Variants in EPB41L2 observed in about 807,000 individuals in gnomAD.
EPB41L2 encodes band 4.1-like protein 2.
In EPB41L2, 43 loss-of-function variants were observed where a neutral mutation model predicts 113.0. That is an observed-to-expected ratio of 0.38 (90% CI 0.30 to 0.49). The LOEUF (loss-of-function observed/expected upper bound fraction) is 0.49. Among genes scored for constraint, EPB41L2 ranks in the 20% least tolerant of loss-of-function variants. The pLI is 0.95. For missense variants in EPB41L2, 1,147 were observed against 1,223.4 expected (o/e 0.94, Z 0.93); for synonymous variants, 442 against 436.7 (o/e 1.01, Z -0.15).
At chr6:130,864,956 C>A (rs1310167300) in intron 17 of EPB41L2, among the ~76,000 whole-genome samples, 5 of 152,146 alleles carry the variant, frequency 3.3e-5, no homozygotes, top group Non-Finnish European at 7.3e-5. Context: ...CTTCTTAAGA[C>A]AATTCTAAGG....
chr6:130,975,992 C>T (rs1333461277), intron 1 of EPB41L2, among the ~76,000 whole-genome samples: 6 of 152,180 alleles, frequency 3.9e-5, no homozygotes, highest in African/African-American at 1.2e-4. Flanking sequence ...TGCACCATTG[C>T]ACTCCAGCCT....
At chr6:130,982,321 A>G (rs1317334659) in intron 1 of EPB41L2, among the ~76,000 whole-genome samples, 1 of 152,136 alleles carries the variant, frequency 6.6e-6, no homozygotes, top group African/African-American at 2.4e-5. Context: ...TCCAACAACA[A>G]CTACAAAAAA....
chr6:130,898,693 C>T (rs376453953), intron 8 of EPB41L2, among the ~76,000 whole-genome samples: 2 of 151,998 alleles, frequency 1.3e-5, no homozygotes, highest in East Asian at 1.9e-4. Flanking sequence ...GTATACCGAA[C>T]GTTTATGCTT....
At chr6:131,016,111 G>A (rs1215682297) in intron 1 of EPB41L2, among the ~76,000 whole-genome samples, 1 of 151,958 alleles carries the variant, frequency 6.6e-6, no homozygotes, top group Non-Finnish European at 1.5e-5. Flanking sequence ...CCAGTAGCTT[G>A]TGGCTAAAGA....
intron 1 of EPB41L2, among the ~76,000 whole-genome samples, chr6:131,057,065 A>G (rs1481461332): frequency 1.3e-5 from 2 of 152,210 alleles, no homozygotes. Context: ...GGGTGAAAAA[A>G]TTAAAAAAAA....
intron 12 of EPB41L2, chr6:130,882,592 CT>C (rs1419022766): frequency 6.6e-6 from 1 of 152,624 alleles, no homozygotes; most frequent in Admixed American, 6.5e-5. Context: ...CGGCTTTAGC[CT>C]CCAGATAGCA....
intron 1 of EPB41L2, among the ~76,000 whole-genome samples, chr6:130,998,298 A>T (rs556740409): frequency 1.3e-4 from 20 of 152,344 alleles, no homozygotes; most frequent in African/African-American, 4.6e-4. Context: ...ATTAAGGACA[A>T]ATTCTTTTCA....
rs1562574983 is a variant in EPB41L2, at chr6:130,954,036, CTTTCTTT to C, written c.705+1062_705+1068del. Among the ~76,000 whole-genome samples the C allele has an allele frequency of 4.7e-3, 215 of 45,502 alleles. 8 individuals are homozygous for C. The South Asian group carries it at 0.075, about 16-fold the overall frequency. 29.9% of individuals were successfully genotyped at this position (45,502 alleles called of 152,430 possible). The stretch of plus-strand genomic sequence containing the variant: ...TTAATCCTCTTTTGCTAGTCCTTTT[CTTTCTTT>C]TTTTTTTTTTTTTTTTTTTTTTTTT... On this transcript the variant is annotated intron_variant, in intron 3 of 19. Coordinates refer to ENST00000337057, the MANE Select transcript of EPB41L2 (RefSeq NM_001431.4).
intron 1 of EPB41L2, among the ~76,000 whole-genome samples, chr6:131,036,638 T>G (rs1793369214): frequency 6.6e-6 from 1 of 152,166 alleles, no homozygotes; most frequent in Non-Finnish European, 1.5e-5. Context: ...TCTCTAGGTC[T>G]CAATTCCTTC....
intron 1 of EPB41L2, among the ~76,000 whole-genome samples, chr6:131,005,110 G>C (rs941371865): frequency 2.7e-5 from 4 of 150,910 alleles, no homozygotes; most frequent in Non-Finnish European, 5.9e-5. Context: ...CAAGACAACA[G>C]AAAAAGGAAG....
chr6:131,060,110 A>G (rs1798367058), intron 1 of EPB41L2, among the ~76,000 whole-genome samples: 1 of 152,210 alleles, frequency 6.6e-6, no homozygotes, highest in African/African-American at 2.4e-5. Flanking sequence ...AAGAAAGAAA[A>G]AGGCCCATGT....
At chr6:130,990,582 G>C (rs1192118996) in intron 1 of EPB41L2, among the ~76,000 whole-genome samples, 1 of 152,116 alleles carries the variant, frequency 6.6e-6, no homozygotes, top group African/African-American at 2.4e-5. Flanking sequence ...ATAAAAATAT[G>C]GGAAAAGAGA....
chr6:130,930,523 G>C lies in EPB41L2; in HGVS notation c.706-3814C>G, dbSNP rs2128560480. 1.3e-5 allele frequency among the ~76,000 whole-genome samples: 2 copies of C among 152,266 alleles called. 1 individual carries two copies. Among genetic ancestry groups the C allele is most frequent in the Middle Eastern group, 6.8e-3 (2 of 292 alleles). On this transcript the variant is annotated intron_variant, in intron 3 of 19. Transcript: ENST00000337057. ...AATATTTCTGGTCCCAAGCATTTCA[G>C]ATAAAAGATACTCAACCTGTACCAC...
intron 1 of EPB41L2, among the ~76,000 whole-genome samples, chr6:131,023,756 GATATATAGATAT>G (rs1790150116): frequency 4.5e-5 from 2 of 44,722 alleles, no homozygotes; most frequent in African/African-American, 1.2e-4. Flanking sequence ...TCTATATATA[GATATATAGATAT>G]ATAGATATAT....
At chr6:130,973,433 CT>C (rs962097065) in intron 1 of EPB41L2, among the ~76,000 whole-genome samples, 1 of 152,084 alleles carries the variant, frequency 6.6e-6, no homozygotes, top group Non-Finnish European at 1.5e-5. Context: ...TTCTTCCCAC[CT>C]TTTTATGTTA....
At chr6:130,880,062 G>A (rs919596329) in intron 13 of EPB41L2, 82 bp downstream of exon 13, 2 of 1,023,198 alleles carry the variant, frequency 2.0e-6, no homozygotes, top group Non-Finnish European at 3.0e-6. Flanking sequence ...GAAGAACATT[G>A]CCAGCCAGCC....
chr6:130,920,639 G>A (rs1802579145), intron 4 of EPB41L2, among the ~76,000 whole-genome samples: 1 of 152,016 alleles, frequency 6.6e-6, no homozygotes, highest in African/African-American at 2.4e-5. Context: ...CCTCCGAATA[G>A]CTGGAACTAA....
At chr6:131,046,891 A>G (rs1400300006) in intron 1 of EPB41L2, among the ~76,000 whole-genome samples, 2 of 152,188 alleles carry the variant, frequency 1.3e-5, no homozygotes, top group Non-Finnish European at 2.9e-5. Flanking sequence ...ATAGTGTAGT[A>G]TTGGCTCTGA....
chr6:130,949,514 G>C (rs1814081127), intron 3 of EPB41L2, among the ~76,000 whole-genome samples: 1 of 151,968 alleles, frequency 6.6e-6, no homozygotes, highest in Admixed American at 6.6e-5. Flanking sequence ...GAGGCAAGAA[G>C]AGGGACTGCC....
Sources: allele counts gnomAD v4.1 joint callset (sites outside exome capture counted in the v4.1 genomes callset), GRCh38; gene constraint gnomAD v4.1.1; transcripts MANE v1.5; gene names NCBI Gene and HGNC (gene_info 2026-07-23, HGNC 2026-07-21).